The following FHL1 variants were observed in gnomAD, a reference collection of about 807,000 sequenced individuals.
The protein encoded by FHL1 is four and a half LIM domains protein 1.
FHL1 carries 1 observed loss-of-function variant against 20.3 expected under a neutral mutation model. The observed-to-expected ratio is 0.05, with a 90% CI of 0.02 to 0.23. The LOEUF (loss-of-function observed/expected upper bound fraction) is 0.23, where lower values mean the gene tolerates loss of function less well. FHL1 is among the 10% of genes least tolerant of loss of function. FHL1 has a pLI of 1.00. For missense variants in FHL1, 177 were observed against 234.0 expected, an observed-to-expected ratio of 0.76 and a Z score of 1.59; for synonymous variants, 82 against 88.9, an observed-to-expected ratio of 0.92 and a Z score of 0.44.
Position 136,210,071 on chromosome X carries a change from C to T in FHL1, c.*46C>T. On this transcript the variant is annotated 3_prime_UTR_variant, in exon 6 of 6. Transcript: ENST00000370683. Reference sequence around the variant, plus strand: ...TGTAAAATGGCATTTGAATCTCGTTCTTTGTGTCCTTACTTTCTGCCCTAT... The same window carrying T: ...TGTAAAATGGCATTTGAATCTCGTTTTTTGTGTCCTTACTTTCTGCCCTAT... The T allele has an allele frequency of 1.7e-6, 2 of 1,206,614 alleles. No individual in the cohort carries two copies. The highest frequency in any genetic ancestry group is 3.0e-5 in the East Asian group (1 of 33,812).
chrX:136,156,347 A>G (rs1470270682), intron 1 of FHL1, among the ~76,000 whole-genome samples: 1 of 106,565 alleles, frequency 9.4e-6, no homozygotes, highest in African/African-American at 3.5e-5. Context: ...CAATGGTACA[A>G]TCATGGCTCA....
intron 2 of FHL1, 143 bp downstream of exon 2, chrX:136,206,731 C>T (rs949199792): frequency 7.3e-6 from 6 of 824,970 alleles, no homozygotes; most frequent in Non-Finnish European, 1.1e-5. Flanking sequence ...CTCCTCCACT[C>T]CCCAGGCCAC....
At chrX:136,177,897 G>T (rs1205713861) in intron 2 of FHL1, among the ~76,000 whole-genome samples, 1 of 112,489 alleles carries the variant, frequency 8.9e-6, no homozygotes, top group Non-Finnish European at 1.9e-5. Flanking sequence ...ATGCTCACTT[G>T]TAAGAGAGAA....
rs779439018 is a variant in FHL1, at chrX:136,211,134, G to A, written c.*1109G>A. 5 of 371,781 alleles carry A rather than the reference G, an allele frequency of 1.3e-5. No homozygotes were observed. Among genetic ancestry groups the A allele is most frequent in the Admixed American group, 6.0e-5 (2 of 33,457 alleles). The allele number at this position is 371,781 out of a possible 1,213,427, so 30.6% of individuals were successfully genotyped here. ...GAGGAAATCTGGATTTCCACCTACC[G>A]CTTACCTGAAATGCAGGATCACCTA... On this transcript the variant is annotated 3_prime_UTR_variant, in exon 6 of 6. Transcript: ENST00000370683.
chrX:136,193,960 C>A (rs945022664), upstream of FHL1, among the ~76,000 whole-genome samples: 32 of 109,837 alleles, frequency 2.9e-4, no homozygotes, highest in African/African-American at 1.0e-3. Context: ...CCCAACCCCC[C>A]CCAGCTGCAT....
chrX:136,195,241 C>T (rs2073527920), upstream of FHL1, among the ~76,000 whole-genome samples: 1 of 112,268 alleles, frequency 8.9e-6, no homozygotes, highest in South Asian at 3.7e-4. Context: ...GAATTGACTT[C>T]CTAAAGGAAA....
rs1047362830 is a variant in FHL1 at position 136,210,676 on chromosome X, T to C, written c.*651T>C. The stretch of plus-strand genomic sequence containing the variant: ...GCATGTTTTCTGAGCGTTCCTACTT[T>C]AAAGCATGGAACATGCAGGTGATTT... On this transcript the variant is annotated 3_prime_UTR_variant, in exon 6 of 6. Transcript: ENST00000370683. 43 of 388,588 alleles carry C rather than the reference T, an allele frequency of 1.1e-4. 1 individual carries two copies. In the Admixed American group the frequency reaches 1.2e-3, roughly 11 times the overall value. The allele number at this position is 388,588 out of a possible 1,213,427, so 32.0% of individuals were successfully genotyped here.
Position 136,201,675 on chromosome X carries a change from C to T in FHL1, c.22+4541C>T, listed in dbSNP as rs369526061. ...AACCATCTGACCTTCACCTGATGGC[C>T]GCCTGACATTCCTGGTTGGGTGGGG... On this transcript the variant is annotated intron_variant, in intron 1 of 5. Transcript: ENST00000370683. Among the ~76,000 whole-genome samples, 6 of 110,584 alleles carry T rather than the reference C, an allele frequency of 5.4e-5. No individual in the cohort carries two copies. In the East Asian group the frequency reaches 8.6e-4, roughly 16 times the overall value.
upstream of FHL1, chrX:136,146,721 C>T: frequency 3.1e-6 from 1 of 324,115 alleles, no homozygotes. Flanking sequence ...ACGCTGTTAT[C>T]ACCAGAGCCC....
At chrX:136,186,885 TAGATAG>T (rs1569529376) in intron 2 of FHL1, among the ~76,000 whole-genome samples, 8 of 10,630 alleles carry the variant, frequency 7.5e-4, no homozygotes, top group East Asian at 0.011. Context: ...TATATATAGA[TAGATAG>T]ATAGATAGAT....
rs764263558 is a variant in FHL1, at chrX:136,210,053, T to C, written c.*28T>C. The C allele has an allele frequency of 4.1e-6, 5 of 1,208,596 alleles. No homozygotes were observed. Among genetic ancestry groups the C allele is most frequent in the Non-Finnish European group, 4.5e-6 (4 of 894,700 alleles). On this transcript the variant is annotated 3_prime_UTR_variant, in exon 6 of 6. Transcript: ENST00000370683. ...TGACAGGGGCTCCTGTCCTGTAAAATGGCATTTGAATCTCGTTCTTTGTGT... is the reference window on the plus strand; with the variant it reads ...TGACAGGGGCTCCTGTCCTGTAAAACGGCATTTGAATCTCGTTCTTTGTGT...
chrX:136,206,732 C>G, intron 2 of FHL1, 144 bp downstream of exon 2: 2 of 830,659 alleles, frequency 2.4e-6, no homozygotes, highest in South Asian at 4.4e-5. Flanking sequence ...TCCTCCACTC[C>G]CCAGGCCACA....
chrX:136,149,258 C>T lies in FHL1; in HGVS notation c.-101+1630C>T, dbSNP rs2072200129. Among the ~76,000 whole-genome samples, 3 of 112,162 alleles carry T rather than the reference C, an allele frequency of 2.7e-5. No homozygotes were observed. The Admixed American group carries it at 2.8e-4, about 11-fold the overall frequency. On this transcript the variant is annotated intron_variant, in intron 1 of 7. Coordinates refer to the FHL1 transcript ENST00000394155. ...CTCATCTCCAAGAACCGGGCCCTCC[C>T]GATCCTTACACTGAAGAAGCAAGAG...
intron 1 of FHL1, chrX:136,148,754 T>G (rs752368723): frequency 6.2e-5 from 7 of 112,046 alleles, no homozygotes; most frequent in African/African-American, 2.3e-4. Flanking sequence ...TTTGATTGCC[T>G]TTTACAATAA....
intron 2 of FHL1, among the ~76,000 whole-genome samples, chrX:136,185,124 T>C (rs1481815219): frequency 8.9e-6 from 1 of 112,681 alleles, no homozygotes; most frequent in Non-Finnish European, 1.9e-5. Context: ...AAAAATATTG[T>C]TAATTTAATT....
intron 4 of FHL1, 99 bp downstream of exon 4, chrX:136,208,060 A>T: frequency 1.0e-6 from 1 of 994,125 alleles, no homozygotes; most frequent in South Asian, 1.9e-5. Context: ...CATCCTCACG[A>T]CAGCCCTGTG....
intron 2 of FHL1, among the ~76,000 whole-genome samples, chrX:136,188,103 C>T (rs2073352965): frequency 8.9e-6 from 1 of 112,394 alleles, no homozygotes; most frequent in African/African-American, 3.2e-5. Context: ...AAATATTTTA[C>T]ATATTATCTC....
At position 136,211,341 on chromosome X, in the gene FHL1, C is replaced by T. The variant is rs1191424829; in HGVS notation, c.*1316C>T. The T allele has an allele frequency of 2.1e-5, 6 of 287,107 alleles. No homozygotes were observed. The Admixed American group carries it at 2.7e-4, about 13-fold the overall frequency. The allele number at this position is 287,107 out of a possible 1,213,427, so 23.7% of individuals were successfully genotyped here. A position where few individuals can be genotyped will look rare whatever the true frequency, so the allele number is the denominator to read the frequency against. ...TCAGTGTATCCTTACAGAAATAAAGCAGCATATGAATAACCTGCCTCCTGT... is the reference window on the plus strand; with the variant it reads ...TCAGTGTATCCTTACAGAAATAAAGTAGCATATGAATAACCTGCCTCCTGT... On this transcript the variant is annotated 3_prime_UTR_variant, in exon 6 of 6. Coordinates refer to ENST00000370683, the MANE Select transcript of FHL1 (RefSeq NM_001159699.2).
intron 1 of FHL1, among the ~76,000 whole-genome samples, chrX:136,151,171 A>G (rs1225012356): frequency 8.9e-6 from 1 of 112,087 alleles, no homozygotes; most frequent in Non-Finnish European, 1.9e-5. Flanking sequence ...TCACTCAACA[A>G]TTTTTGCTAG....
Sources: gnomAD v4.1 joint callset for allele counts (sites outside exome capture counted in the v4.1 genomes callset) on GRCh38, gnomAD v4.1.1 for gene constraint, MANE v1.5 for transcripts, NCBI Gene and HGNC (gene_info 2026-07-23, HGNC 2026-07-21) for gene names.